Variants in STK3 observed in about 807,000 individuals in gnomAD.
STK3 encodes serine/threonine-protein kinase 3.
Under a neutral mutation model 58.0 loss-of-function variants are expected in STK3, and 41 were observed. The observed-to-expected ratio is 0.71, with a 90% CI of 0.55 to 0.92. STK3 has a LOEUF of 0.92. Among genes scored for constraint, STK3 ranks in the 40% least tolerant of loss-of-function variants. The pLI is 0.00. For synonymous variants in STK3, 170 were observed against 191.0 expected (o/e 0.89, Z 0.91); for missense variants, 479 against 602.7 (o/e 0.79, Z 2.15).
At chr8:98,626,979 A>G (rs1353813410) in intron 6 of STK3, among the ~76,000 whole-genome samples, 1 of 152,230 alleles carries the variant, frequency 6.6e-6, no homozygotes, top group Admixed American at 6.5e-5. Context: ...TACAGAATGT[A>G]GAGAGAAAAG....
At chr8:98,625,978 T>C (rs1818683676) in intron 6 of STK3, among the ~76,000 whole-genome samples, 2 of 152,180 alleles carry the variant, frequency 1.3e-5, no homozygotes, top group Non-Finnish European at 1.5e-5. Context: ...CAGAACCATC[T>C]ACCACGTCAT....
chr8:98,749,962 T>C (rs1159307660), intron 3 of STK3, among the ~76,000 whole-genome samples: 1 of 152,150 alleles, frequency 6.6e-6, no homozygotes, highest in Admixed American at 6.5e-5. Flanking sequence ...ATAGCCAAGC[T>C]GTCTTCAGGA....
intron 8 of STK3, among the ~76,000 whole-genome samples, chr8:98,554,097 C>G (rs1192084572): frequency 6.6e-6 from 1 of 152,102 alleles, no homozygotes; most frequent in Admixed American, 6.6e-5. Flanking sequence ...CTAGGCAGGT[C>G]TAATTCTAAA....
the STK3 span, among the ~76,000 whole-genome samples, chr8:98,348,633 A>G: frequency 6.6e-6 from 1 of 152,262 alleles, no homozygotes; most frequent in Admixed American, 6.5e-5. Context: ...CTCAACAAAA[A>G]TATACAGATG....
intron 2 of STK3, among the ~76,000 whole-genome samples, chr8:98,768,462 C>T (rs1415690637): frequency 3.3e-5 from 5 of 152,134 alleles, no homozygotes; most frequent in Admixed American, 3.3e-4. Context: ...CAATAAAATA[C>T]ATTTTATCCT....
At chr8:98,399,689 A>G (rs1046136159), downstream of STK3, among the ~76,000 whole-genome samples, 1 of 152,252 alleles carries the variant, frequency 6.6e-6, no homozygotes, top group African/African-American at 2.4e-5. Context: ...ATTCATCTAA[A>G]GATAATTCAC....
At chr8:98,524,117 G>GC (rs1825577447) in intron 10 of STK3, among the ~76,000 whole-genome samples, 1 of 152,046 alleles carries the variant, frequency 6.6e-6, no homozygotes, top group Admixed American at 6.5e-5. Context: ...CCTCTTCTTT[G>GC]CCCCCACTGA....
At chr8:98,793,986 T>C (rs566563715) in intron 1 of STK3, among the ~76,000 whole-genome samples, 4 of 152,242 alleles carry the variant, frequency 2.6e-5, no homozygotes, top group Middle Eastern at 3.4e-3. Flanking sequence ...ATCAAAAAGT[T>C]CTTTGAAATA....
chr8:98,583,062 A>G (rs1010385607), intron 7 of STK3, among the ~76,000 whole-genome samples: 2 of 151,844 alleles, frequency 1.3e-5, no homozygotes, highest in African/African-American at 4.8e-5. Context: ...TTTTTTGATC[A>G]TGTTATTCAT....
At chr8:98,618,189 A>G (rs1256053385) in intron 6 of STK3, among the ~76,000 whole-genome samples, 1 of 151,968 alleles carries the variant, frequency 6.6e-6, no homozygotes, top group African/African-American at 2.4e-5. Context: ...AATCCAGCAT[A>G]TAAACAGAGC....
At chr8:98,574,344 C>T (rs954921892) in intron 8 of STK3, among the ~76,000 whole-genome samples, 1 of 152,116 alleles carries the variant, frequency 6.6e-6, no homozygotes, top group African/African-American at 2.4e-5. Flanking sequence ...GCAAACCATG[C>T]TACAGTTATG....
chr8:98,399,203 T>G (rs1263523516), downstream of STK3, among the ~76,000 whole-genome samples: 1 of 152,196 alleles, frequency 6.6e-6, no homozygotes, highest in Non-Finnish European at 1.5e-5. Context: ...TAAGCAAAAC[T>G]TGATTGAATC....
At chr8:98,874,824 A>T (rs1408941984) in intron 3 of STK3, among the ~76,000 whole-genome samples, 1 of 150,992 alleles carries the variant, frequency 6.6e-6, no homozygotes, top group Non-Finnish European at 1.5e-5. Flanking sequence ...GGGTCTCACT[A>T]TGTTGCCCAG....
intron 1 of STK3, among the ~76,000 whole-genome samples, chr8:98,444,078 T>C (rs1475821419): frequency 6.6e-6 from 1 of 152,202 alleles, no homozygotes; most frequent in East Asian, 1.9e-4. Flanking sequence ...GCTACAGAGA[T>C]GAGGAAAACG....
downstream of STK3, chr8:98,881,147 A>G (rs1326426475): frequency 6.6e-6 from 1 of 152,218 alleles, no homozygotes; most frequent in Non-Finnish European, 1.5e-5. Flanking sequence ...CAATATGTGA[A>G]TGGACAGGCT....
chr8:98,344,531 G>A, the STK3 span, among the ~76,000 whole-genome samples: 1 of 152,144 alleles, frequency 6.6e-6, no homozygotes, highest in Non-Finnish European at 1.5e-5. Context: ...TTATTTTTTA[G>A]AGTGGGTTGG....
At chr8:98,459,252 G>C (rs985826628) in intron 10 of STK3, among the ~76,000 whole-genome samples, 1 of 152,202 alleles carries the variant, frequency 6.6e-6, no homozygotes. Context: ...TTTTGCCCCT[G>C]CCCTAGAGAT....
intron 8 of STK3, among the ~76,000 whole-genome samples, chr8:98,559,530 C>T (rs1011263413): frequency 8.5e-5 from 13 of 152,094 alleles, no homozygotes; most frequent in African/African-American, 1.2e-4. Flanking sequence ...TTTCTTTAAC[C>T]ACTTTTTGAG....
intron 1 of STK3, among the ~76,000 whole-genome samples, chr8:98,822,531 T>C (rs1372955556): frequency 6.6e-6 from 1 of 152,182 alleles, no homozygotes; most frequent in African/African-American, 2.4e-5. Context: ...AAAAAGATGG[T>C]ATATAATCAA....
Sources: allele counts gnomAD v4.1 joint callset (sites outside exome capture counted in the v4.1 genomes callset), GRCh38; gene constraint gnomAD v4.1.1; transcripts MANE v1.5; gene names NCBI Gene and HGNC (gene_info 2026-07-23, HGNC 2026-07-21).